Variants in TMEM272 observed in about 807,000 individuals in gnomAD.
TMEM272 encodes transmembrane protein 272, also known as long intergenic non-protein coding RNA 282.
In TMEM272, 8 loss-of-function variants were observed where a neutral mutation model predicts 3.7. The observed-to-expected ratio is 2.17, with a 90% confidence interval of 1.27 to 3.91. TMEM272 has a LOEUF of 3.91. TMEM272 is among the 30% of genes most tolerant of loss of function. The probability of loss-of-function intolerance (pLI) is 0.00; values close to 1 mark genes in which losing one functional copy is unlikely to be tolerated. For missense variants in TMEM272, 166 were observed against 91.5 expected (o/e 1.81, Z -3.32); for synonymous variants, 63 against 39.8 (o/e 1.58, Z -2.20).
the TMEM272 span, among the ~76,000 whole-genome samples, chr13:51,890,966 T>A: frequency 6.6e-6 from 1 of 152,238 alleles, no homozygotes; most frequent in Non-Finnish European, 1.5e-5. Flanking sequence ...TTGTCATGAA[T>A]GTTGTACACA....
the TMEM272 span, among the ~76,000 whole-genome samples, chr13:51,910,826 C>G: frequency 6.6e-6 from 1 of 152,226 alleles, no homozygotes; most frequent in Non-Finnish European, 1.5e-5. Flanking sequence ...CCCCAGCCCC[C>G]TTGTTACACT....
upstream of TMEM272, among the ~76,000 whole-genome samples, chr13:51,845,825 T>A (rs571147350): frequency 2.0e-5 from 3 of 152,356 alleles, no homozygotes; most frequent in South Asian, 6.2e-4. Flanking sequence ...AGATTCTCAA[T>A]CTGTAGGTCT....
At chr13:51,898,391 A>C in the TMEM272 span, among the ~76,000 whole-genome samples, 1 of 151,916 alleles carries the variant, frequency 6.6e-6, no homozygotes, top group Non-Finnish European at 1.5e-5. Context: ...CATGCTTTTC[A>C]GTTTTCAAAG....
chr13:51,834,621 G>C (rs1211338942), intron 2 of TMEM272, among the ~76,000 whole-genome samples: 1 of 152,052 alleles, frequency 6.6e-6, no homozygotes, highest in Non-Finnish European at 1.5e-5. Context: ...CACAGCTGAG[G>C]GGCTGCAAAC....
At chr13:51,920,490 A>C in the TMEM272 span, among the ~76,000 whole-genome samples, 1 of 152,172 alleles carries the variant, frequency 6.6e-6, no homozygotes, top group African/African-American at 2.4e-5. Flanking sequence ...AATGTCTCCC[A>C]GCAGCTTTGC....
chr13:51,818,585 C>T (rs956373019), intron 4 of TMEM272, among the ~76,000 whole-genome samples: 4 of 152,198 alleles, frequency 2.6e-5, no homozygotes, highest in African/African-American at 9.7e-5. Flanking sequence ...TCAATGAATT[C>T]TCCCAGCCTG....
the TMEM272 span, among the ~76,000 whole-genome samples, chr13:51,850,592 G>A: frequency 6.6e-6 from 1 of 152,078 alleles, no homozygotes; most frequent in South Asian, 2.1e-4. Context: ...TTTTTTCTCA[G>A]GTGGGGATAG....
chr13:51,856,023 T>C, the TMEM272 span, among the ~76,000 whole-genome samples: 2 of 152,226 alleles, frequency 1.3e-5, no homozygotes, highest in Admixed American at 1.3e-4. Flanking sequence ...ATATGTGAGA[T>C]GGAGTTATTA....
the TMEM272 span, chr13:51,910,735 G>A: frequency 3.5e-5 from 13 of 375,444 alleles, no homozygotes; most frequent in East Asian, 2.7e-4. Context: ...CCAGGCAACC[G>A]GAGCGGACCA....
upstream of TMEM272, among the ~76,000 whole-genome samples, chr13:51,847,266 G>A (rs1956311956): frequency 2.0e-5 from 3 of 152,152 alleles, no homozygotes; most frequent in Admixed American, 2.0e-4. Context: ...TGAGTGGCAG[G>A]TGAGCAATCA....
At position 51,816,750 on chromosome 13, in the gene TMEM272, G is replaced by C. The variant is rs965118684; in HGVS notation, c.*1C>G. ...ACATGGTATGCTGGACAAGGCAGCT[G>C]TCAGTCTTCATCGGCAGCAAGTCTC... On this transcript the variant is annotated 3_prime_UTR_variant, in exon 5 of 5. Transcript: ENST00000629372. 2.9e-6 allele frequency: 2 copies of C among 696,506 alleles called. No homozygotes were observed. 43.1% of individuals were successfully genotyped at this position (696,506 alleles called of 1,614,324 possible).
At chr13:51,882,104 C>T in the TMEM272 span, among the ~76,000 whole-genome samples, 3 of 152,192 alleles carry the variant, frequency 2.0e-5, no homozygotes, top group African/African-American at 4.8e-5. Flanking sequence ...GACTGAACCA[C>T]GTATGTCTAT....
intron 2 of TMEM272, among the ~76,000 whole-genome samples, chr13:51,828,993 C>A (rs751395540): frequency 3.9e-5 from 6 of 152,214 alleles, no homozygotes; most frequent in Non-Finnish European, 8.8e-5. Context: ...AATTAGTATA[C>A]CTTGTCCTCT....
chr13:51,876,423 C>A, the TMEM272 span, among the ~76,000 whole-genome samples: 2 of 152,202 alleles, frequency 1.3e-5, no homozygotes, highest in Non-Finnish European at 2.9e-5. Context: ...ACTGTGGGTA[C>A]AGAAATCCTG....
the TMEM272 span, among the ~76,000 whole-genome samples, chr13:51,867,223 C>G: frequency 6.6e-6 from 1 of 152,134 alleles, no homozygotes; most frequent in Non-Finnish European, 1.5e-5. Context: ...TTCACCACAG[C>G]TCTGTGGGCT....
chr13:51,838,310 G>A (rs553293161), intron 2 of TMEM272, among the ~76,000 whole-genome samples, 163 bp downstream of exon 2: 1 of 152,328 alleles, frequency 6.6e-6, no homozygotes, highest in Non-Finnish European at 1.5e-5. Flanking sequence ...GGAGAAAGCA[G>A]CCAACCGAGG....
chr13:51,884,938 T>A, the TMEM272 span, among the ~76,000 whole-genome samples: 1 of 152,156 alleles, frequency 6.6e-6, no homozygotes, highest in Non-Finnish European at 1.5e-5. Context: ...ATAGGGCTGG[T>A]GTAGGATTAA....
At chr13:51,819,149 G>A (rs1372916138) in intron 4 of TMEM272, among the ~76,000 whole-genome samples, 1 of 152,226 alleles carries the variant, frequency 6.6e-6, no homozygotes, top group Admixed American at 6.5e-5. Flanking sequence ...CCTGGAAGAA[G>A]GGGCATACTT....
chr13:51,817,406 T>C (rs1373431787), intron 4 of TMEM272, among the ~76,000 whole-genome samples: 1 of 152,236 alleles, frequency 6.6e-6, no homozygotes, highest in Non-Finnish European at 1.5e-5. Context: ...AGGGATTGGC[T>C]GGGGTAACCC....
Sources: gnomAD v4.1 joint callset for allele counts (sites outside exome capture counted in the v4.1 genomes callset) on GRCh38, gnomAD v4.1.1 for gene constraint, MANE v1.5 for transcripts, NCBI Gene and HGNC (gene_info 2026-07-23, HGNC 2026-07-21) for gene names.